CCSER2: variants seen among roughly 807,000 people sequenced by gnomAD.
CCSER2 encodes coiled-coil serine rich protein 2, also known as serine-rich coiled-coil domain-containing protein 2.
In CCSER2, 46 loss-of-function variants were observed where a neutral mutation model predicts 92.3. The observed-to-expected ratio is 0.50, with a 90% CI of 0.39 to 0.64. The LOEUF (loss-of-function observed/expected upper bound fraction) is 0.64, where lower values mean the gene tolerates loss of function less well. Among genes scored for constraint, CCSER2 ranks in the 30% least tolerant of loss-of-function variants. CCSER2 has a pLI of 0.00. For missense variants in CCSER2, 1,244 were observed against 1,238.9 expected (o/e 1.00, Z -0.06); for synonymous variants, 433 against 431.4 (o/e 1.00, Z -0.04).
At chr10:84,439,840 A>G (rs1186031218) in intron 6 of CCSER2, among the ~76,000 whole-genome samples, 1 of 152,246 alleles carries the variant, frequency 6.6e-6, no homozygotes. Context: ...AACTGTAACT[A>G]GAAAATAGGC....
intron 9 of CCSER2, among the ~76,000 whole-genome samples, chr10:84,494,751 A>ACT (rs1848353546): frequency 6.6e-6 from 1 of 152,082 alleles, no homozygotes; most frequent in African/African-American, 2.4e-5. Context: ...GCCATTCATA[A>ACT]CTCTGAGTCC....
At chr10:84,466,749 G>A (rs1329104417) in intron 7 of CCSER2, among the ~76,000 whole-genome samples, 2 of 151,422 alleles carry the variant, frequency 1.3e-5, no homozygotes, top group South Asian at 2.1e-4. Context: ...TCCTGACCTC[G>A]TGATCCGTCC....
intron 4 of CCSER2, among the ~76,000 whole-genome samples, chr10:84,420,932 CAAAAA>C (rs59244448): frequency 1.2e-5 from 1 of 84,836 alleles, no homozygotes; most frequent in Non-Finnish European, 2.4e-5. Context: ...GACTCCATCT[CAAAAA>C]AAAAAAAAAA....
At chr10:84,402,982 G>A (rs1053954401) in intron 3 of CCSER2, among the ~76,000 whole-genome samples, 1 of 152,100 alleles carries the variant, frequency 6.6e-6, no homozygotes, top group Non-Finnish European at 1.5e-5. Flanking sequence ...ATATAAAAAA[G>A]CAAGGGAACT....
In CCSER2 at chr10:84,514,340, A is replaced by C. The variant is rs1849522916; in HGVS notation, c.*73A>C. Reference sequence around the variant, plus strand: ...TGTAATAGCTTTATGTGCAGCTTGCAGCTTGCTACTGTGGTGGAGGTTCCA... The same window carrying C: ...TGTAATAGCTTTATGTGCAGCTTGCCGCTTGCTACTGTGGTGGAGGTTCCA... On this transcript the variant is annotated 3_prime_UTR_variant, in exon 10 of 10. Transcript: ENST00000372088. 2 of 1,058,960 alleles carry C rather than the reference A, an allele frequency of 1.9e-6. No individual in the cohort carries two copies. The highest frequency in any genetic ancestry group is 2.6e-5 in the Admixed American group (1 of 38,666). 65.6% of individuals were successfully genotyped at this position (1,058,960 alleles called of 1,614,324 possible). A position where few individuals can be genotyped will look rare whatever the true frequency, so the allele number is the denominator to read the frequency against.
At chr10:84,500,391 TTAAA>T (rs1423647416) in intron 9 of CCSER2, among the ~76,000 whole-genome samples, 1 of 152,224 alleles carries the variant, frequency 6.6e-6, no homozygotes, top group African/African-American at 2.4e-5. Flanking sequence ...GCACATTTCT[TTAAA>T]TAATATTTCC....
intron 3 of CCSER2, among the ~76,000 whole-genome samples, chr10:84,376,077 A>G (rs1040416331): frequency 6.6e-6 from 1 of 152,020 alleles, no homozygotes; most frequent in Non-Finnish European, 1.5e-5. Context: ...TTTTTGTAGT[A>G]AGTCTTCCTT....
rs970425383 is a variant in CCSER2, at chr10:84,514,186, G to A, written c.3063G>A (p.Gln1021=). The stretch of plus-strand genomic sequence containing the variant: ...TAACACAACGAAAAGAAATCATGCA[G>A]AATCCAAATGGCAATTTGCATTCTG... ...RPLTQRKEIM[Q]NPNGNLHSGD... The change falls in exon 10 of 10, where the codon CAG becomes CAA. Residue 1021 remains glutamine, a synonymous_variant. Transcript: ENST00000372088. The A allele has an allele frequency of 6.5e-7, 1 of 1,536,382 alleles. No homozygotes were observed. Among genetic ancestry groups the A allele is most frequent in the African/African-American group, 1.4e-5 (1 of 73,120 alleles).
chr10:84,437,195 A>C (rs1470893611), intron 5 of CCSER2, among the ~76,000 whole-genome samples: 2 of 151,996 alleles, frequency 1.3e-5, no homozygotes, highest in Non-Finnish European at 2.9e-5. Flanking sequence ...AGAGAGAGAC[A>C]GACAGACAGC....
At chr10:84,453,028 G>T (rs539409327) in intron 6 of CCSER2, among the ~76,000 whole-genome samples, 52 of 152,068 alleles carry the variant, frequency 3.4e-4, no homozygotes, top group Middle Eastern at 6.8e-3. Flanking sequence ...TTATCTTTTT[G>T]ATCTCCTAAA....
intron 1 of CCSER2, among the ~76,000 whole-genome samples, chr10:84,366,978 T>C (rs1278177419): frequency 6.6e-6 from 1 of 152,198 alleles, no homozygotes; most frequent in East Asian, 1.9e-4. Flanking sequence ...TTTTTAATGG[T>C]AAAATTAATG....
At chr10:84,443,211 A>C (rs1000540792) in intron 6 of CCSER2, among the ~76,000 whole-genome samples, 3 of 152,230 alleles carry the variant, frequency 2.0e-5, no homozygotes, top group Non-Finnish European at 4.4e-5. Context: ...TGAAGAGGCA[A>C]CCTAGAGAAT....
intron 7 of CCSER2, among the ~76,000 whole-genome samples, 171 bp from the exon 8 acceptor site, chr10:84,470,201 T>C (rs1438552289): frequency 1.3e-5 from 2 of 151,940 alleles, no homozygotes; most frequent in African/African-American, 2.4e-5. Flanking sequence ...TATTGCTCAT[T>C]GTCAACATGT....
At chr10:84,429,369 T>A (rs1199663322) in intron 5 of CCSER2, among the ~76,000 whole-genome samples, 1 of 152,188 alleles carries the variant, frequency 6.6e-6, no homozygotes, top group Admixed American at 6.5e-5. Flanking sequence ...AAGTGAGGTG[T>A]TCAAGTCTCC....
intron 3 of CCSER2, among the ~76,000 whole-genome samples, chr10:84,413,290 C>T (rs1433805390): frequency 6.6e-6 from 1 of 152,046 alleles, no homozygotes; most frequent in South Asian, 2.1e-4. Context: ...GCATTTCGTG[C>T]TATAAATTTC....
intron 3 of CCSER2, among the ~76,000 whole-genome samples, chr10:84,415,241 T>G (rs1842835666): frequency 6.6e-6 from 1 of 152,232 alleles, no homozygotes; most frequent in African/African-American, 2.4e-5. Flanking sequence ...CCTTTTGAGT[T>G]TTCAGCGTTT....
intron 5 of CCSER2, among the ~76,000 whole-genome samples, chr10:84,436,219 G>A (rs1844117014): frequency 6.7e-6 from 1 of 150,130 alleles, no homozygotes; most frequent in South Asian, 2.1e-4. Context: ...CCAGCTACTC[G>A]GGAGGCTGAG....
At position 84,417,815 on chromosome 10, in the gene CCSER2, TCTTATG is replaced by T. The variant is rs754946656; in HGVS notation, c.1663_1668del (p.Met555_Leu556del). On this transcript the variant is annotated inframe_deletion, in exon 4 of 10. Transcript: ENST00000372088. ...AATCATGTGACCTTGAGGATGATGATCTTATGCTTGATGTGGATCTGCCTGAGGATG... is the reference window on the plus strand; with the variant it reads ...AATCATGTGACCTTGAGGATGATGATCTTGATGTGGATCTGCCTGAGGATG... The T allele has an allele frequency of 6.3e-7, 1 of 1,599,692 alleles. No individual in the cohort carries two copies. The highest frequency in any genetic ancestry group is 1.1e-5 in the South Asian group (1 of 90,776).
intron 6 of CCSER2, among the ~76,000 whole-genome samples, chr10:84,439,538 A>G (rs1844399078): frequency 6.6e-6 from 1 of 152,202 alleles, no homozygotes; most frequent in African/African-American, 2.4e-5. Flanking sequence ...AACATGCAGT[A>G]TATGCACACG....
Sources: allele counts gnomAD v4.1 joint callset (sites outside exome capture counted in the v4.1 genomes callset), GRCh38; gene constraint gnomAD v4.1.1; transcripts MANE v1.5; gene names NCBI Gene and HGNC (gene_info 2026-07-23, HGNC 2026-07-21).